The following DPY19L1 variants were observed in gnomAD, a reference collection of about 807,000 sequenced individuals.
DPY19L1 encodes protein C-mannosyl-transferase DPY19L1.
DPY19L1 carries 35 observed loss-of-function variants against 96.9 expected under a neutral mutation model. The ratio of observed to expected loss-of-function variants is 0.36; its 90% confidence interval spans 0.28 to 0.48. The LOEUF (loss-of-function observed/expected upper bound fraction) is 0.48. DPY19L1 is among the 20% of genes least tolerant of loss of function. The pLI, the probability that DPY19L1 is intolerant of heterozygous loss-of-function variation, is 0.99. For synonymous variants in DPY19L1, 205 were observed against 252.6 expected, an observed-to-expected ratio of 0.81 and a Z score of 1.79; for missense variants, 521 against 777.9, an observed-to-expected ratio of 0.67 and a Z score of 3.93.
intron 7 of DPY19L1, among the ~76,000 whole-genome samples, chr7:34,985,700 G>A (rs1361333150): frequency 6.6e-6 from 1 of 151,972 alleles, no homozygotes; most frequent in Non-Finnish European, 1.5e-5. Context: ...TGGAGAAGAG[G>A]GAACTCTTGC....
intron 14 of DPY19L1, among the ~76,000 whole-genome samples, chr7:34,948,296 T>C (rs1376753350): frequency 1.3e-5 from 2 of 152,194 alleles, no homozygotes; most frequent in Non-Finnish European, 2.9e-5. Context: ...TACTTTTATG[T>C]GTGTTAATTA....
At chr7:35,005,051 A>G (rs1359989975) in intron 6 of DPY19L1, among the ~76,000 whole-genome samples, 1 of 152,216 alleles carries the variant, frequency 6.6e-6, no homozygotes, top group Non-Finnish European at 1.5e-5. Context: ...CAGATAGGAT[A>G]CTGAATGGGA....
chr7:35,032,895 C>T (rs1786294538), intron 1 of DPY19L1, among the ~76,000 whole-genome samples: 1 of 152,128 alleles, frequency 6.6e-6, no homozygotes, highest in Non-Finnish European at 1.5e-5. Flanking sequence ...AATTTCTCTC[C>T]ATCTCCACAG....
intron 6 of DPY19L1, among the ~76,000 whole-genome samples, chr7:34,993,622 G>GA (rs1309054676): frequency 3.2e-5 from 4 of 124,834 alleles, no homozygotes; most frequent in South Asian, 2.8e-4. Flanking sequence ...CCCCACCCAA[G>GA]AAAAAATTGT....
At chr7:35,001,477 C>T (rs1370195129) in intron 6 of DPY19L1, among the ~76,000 whole-genome samples, 1 of 152,184 alleles carries the variant, frequency 6.6e-6, no homozygotes, top group East Asian at 1.9e-4. Context: ...GTCTCTTAAA[C>T]TCATTTAGGT....
chr7:34,985,082 C>T (rs960473179), intron 7 of DPY19L1, among the ~76,000 whole-genome samples: 2 of 152,046 alleles, frequency 1.3e-5, no homozygotes, highest in African/African-American at 4.8e-5. Context: ...GAAAGAAAAA[C>T]GAAGTAAGAG....
At chr7:34,981,834 C>T (rs1784946628) in intron 7 of DPY19L1, among the ~76,000 whole-genome samples, 1 of 152,084 alleles carries the variant, frequency 6.6e-6, no homozygotes, top group Admixed American at 6.6e-5. Context: ...ACCTGTAATC[C>T]CAGCTACTTG....
intron 11 of DPY19L1, among the ~76,000 whole-genome samples, chr7:34,955,849 AC>A (rs1342091484): frequency 6.6e-6 from 1 of 152,180 alleles, no homozygotes; most frequent in Admixed American, 6.5e-5. Flanking sequence ...ACTACTTCAA[AC>A]ATGGCAAAAA....
intron 6 of DPY19L1, among the ~76,000 whole-genome samples, chr7:34,998,308 G>T (rs778074743): frequency 6.6e-6 from 1 of 152,198 alleles, no homozygotes; most frequent in African/African-American, 2.4e-5. Flanking sequence ...ATTCAAAAGA[G>T]GGGGAGGAGA....
At chr7:34,993,896 C>T (rs1314823584) in intron 6 of DPY19L1, among the ~76,000 whole-genome samples, 4 of 149,732 alleles carry the variant, frequency 2.7e-5, no homozygotes, top group African/African-American at 7.4e-5. Flanking sequence ...ACTATCTCTA[C>T]GAAAATACAA....
intron 6 of DPY19L1, among the ~76,000 whole-genome samples, chr7:34,999,179 G>T (rs554830700): frequency 6.6e-6 from 1 of 152,066 alleles, no homozygotes; most frequent in South Asian, 2.1e-4. Context: ...GACCTTTTAC[G>T]GGACTAAAGA....
intron 6 of DPY19L1, among the ~76,000 whole-genome samples, chr7:34,996,859 T>C (rs1250188194): frequency 6.6e-6 from 1 of 152,096 alleles, no homozygotes; most frequent in Non-Finnish European, 1.5e-5. Flanking sequence ...GTTCCTCAAA[T>C]GATAAGACCA....
At chr7:34,967,876 TG>T (rs1784644581) in intron 9 of DPY19L1, among the ~76,000 whole-genome samples, 1 of 152,176 alleles carries the variant, frequency 6.6e-6, no homozygotes, top group Non-Finnish European at 1.5e-5. Context: ...GAGTTACCCA[TG>T]GAGAACACTG....
chr7:34,944,767 T>C (rs1183048103), intron 16 of DPY19L1, among the ~76,000 whole-genome samples: 4 of 152,226 alleles, frequency 2.6e-5, no homozygotes, highest in Admixed American at 2.6e-4. Context: ...TCTCTGTATT[T>C]CTGTGAGCAT....
At chr7:34,938,400 C>T (rs1296287976) in intron 20 of DPY19L1, among the ~76,000 whole-genome samples, 1 of 152,224 alleles carries the variant, frequency 6.6e-6, no homozygotes, top group African/African-American at 2.4e-5. Context: ...AAATTCTTCA[C>T]TTCGCTATCA....
At chr7:34,960,161 T>C (rs958964483) in intron 10 of DPY19L1, among the ~76,000 whole-genome samples, 1 of 151,532 alleles carries the variant, frequency 6.6e-6, no homozygotes, top group Non-Finnish European at 1.5e-5. Flanking sequence ...TTTTGATCCA[T>C]ATATATCAAT....
intron 6 of DPY19L1, among the ~76,000 whole-genome samples, chr7:35,003,888 C>T (rs1032555142): frequency 1.1e-4 from 16 of 152,184 alleles, no homozygotes; most frequent in Non-Finnish European, 1.9e-4. Flanking sequence ...TGATAAAGCT[C>T]TTCTTATATT....
chr7:35,005,358 C>T (rs1785525513), intron 6 of DPY19L1, among the ~76,000 whole-genome samples: 1 of 151,408 alleles, frequency 6.6e-6, no homozygotes, highest in African/African-American at 2.4e-5. Flanking sequence ...ACAAATCAAG[C>T]AATCAAAGGC....
At chr7:34,990,098 C>A (rs1785135019) in intron 6 of DPY19L1, among the ~76,000 whole-genome samples, 157 bp from the exon 7 acceptor site, 1 of 150,994 alleles carries the variant, frequency 6.6e-6, no homozygotes, top group Non-Finnish European at 1.5e-5. Context: ...TTATTTCCTC[C>A]AAAAGATCAT....
Sources: allele counts gnomAD v4.1 joint callset (sites outside exome capture counted in the v4.1 genomes callset), GRCh38; gene constraint gnomAD v4.1.1; transcripts MANE v1.5; gene names NCBI Gene and HGNC (gene_info 2026-07-23, HGNC 2026-07-21).